The following TACC3 variants were observed in gnomAD, a reference collection of about 807,000 sequenced individuals.
TACC3 encodes transforming acidic coiled-coil containing protein 3.
A neutral mutation model predicts 86.0 loss-of-function variants in TACC3; 52 were observed. That is an observed-to-expected ratio of 0.60 (90% confidence interval 0.48 to 0.76). The LOEUF is 0.76. Among genes scored for constraint, TACC3 ranks in the 30% least tolerant of loss-of-function variants. The pLI, the probability that TACC3 is intolerant of heterozygous loss-of-function variation, is 0.00. For missense variants in TACC3, 1,120 were observed against 1,070.4 expected (o/e 1.05, Z -0.65); for synonymous variants, 512 against 430.0 (o/e 1.19, Z -2.36).
intron 4 of TACC3, among the ~76,000 whole-genome samples, chr4:1,729,605 T>C (rs549128225): frequency 7.2e-5 from 11 of 152,316 alleles, no homozygotes; most frequent in South Asian, 2.1e-4. Context: ...TCAAAGACTT[T>C]AGCACTTTGA....
intron 8 of TACC3, among the ~76,000 whole-genome samples, chr4:1,736,742 C>A (rs866939641): frequency 1.3e-4 from 20 of 152,194 alleles, no homozygotes; most frequent in Middle Eastern, 3.4e-3. Flanking sequence ...ACCCCCATCT[C>A]TACTAAAAAT....
Sources: allele counts gnomAD v4.1 joint callset (sites outside exome capture counted in the v4.1 genomes callset), GRCh38; gene constraint gnomAD v4.1.1; transcripts MANE v1.5; gene names NCBI Gene and HGNC (gene_info 2026-07-23, HGNC 2026-07-21).